The following CHN2 variants were observed in gnomAD, a reference collection of about 807,000 sequenced individuals.
CHN2 encodes the protein beta-chimaerin.
In CHN2, 35 loss-of-function variants were observed where a neutral mutation model predicts 56.3. The observed-to-expected ratio is 0.62, with a 90% CI of 0.47 to 0.82. CHN2 has a LOEUF of 0.82. Ranked by LOEUF, CHN2 falls within the 40% of genes least tolerant of loss-of-function variation. CHN2 has a pLI of 0.00. For missense variants in CHN2, 491 were observed against 580.5 expected (o/e 0.85, Z 1.58); for synonymous variants, 210 against 212.8 (o/e 0.99, Z 0.12).
intron 1 of CHN2, among the ~76,000 whole-genome samples, chr7:29,236,602 G>A (rs982810882): frequency 2.0e-5 from 3 of 152,204 alleles, no homozygotes; most frequent in Non-Finnish European, 4.4e-5. Flanking sequence ...AGGACTGAAC[G>A]TGGGAGTGAG....
At chr7:29,329,630 G>A (rs574325535) in intron 1 of CHN2, among the ~76,000 whole-genome samples, 1 of 152,252 alleles carries the variant, frequency 6.6e-6, no homozygotes, top group African/African-American at 2.4e-5. Context: ...CTCGAGTCGT[G>A]TGTACTTCCT....
At position 29,451,021 on chromosome 7, in the gene CHN2, G is replaced by A. The variant is rs181725916; in HGVS notation, c.577-29258G>A. Among the ~76,000 whole-genome samples the A allele has an allele frequency of 2.2e-3, 333 of 151,970 alleles. 3 individuals are homozygous for A. Among genetic ancestry groups the A allele is most frequent in the Non-Finnish European group, 2.6e-3 (176 of 67,968 alleles). On this transcript the variant is annotated intron_variant, in intron 6 of 12. Transcript: ENST00000222792. ...CCTGACCTCGTGATCTACCCACCTC[G>A]GCCTCCCAAAGTGCTGGGATTATAG...
At chr7:29,187,806 G>GT (rs1476599240) in intron 2 of CHN2, among the ~76,000 whole-genome samples, 1 of 152,160 alleles carries the variant, frequency 6.6e-6, no homozygotes, top group Non-Finnish European at 1.5e-5. Context: ...TTAATACACA[G>GT]TTAAAAACTA....
intron 6 of CHN2, among the ~76,000 whole-genome samples, chr7:29,412,313 A>G (rs1225176876): frequency 6.7e-6 from 1 of 148,634 alleles, no homozygotes; most frequent in African/African-American, 2.5e-5. Flanking sequence ...GCGCTCTGCT[A>G]AAGAGTCTTT....
intron 1 of CHN2, among the ~76,000 whole-genome samples, chr7:29,299,004 C>T (rs979632962): frequency 6.6e-6 from 1 of 152,134 alleles, no homozygotes; most frequent in Non-Finnish European, 1.5e-5. Flanking sequence ...TTCTCAGATA[C>T]TTTGAAGGGT....
intron 6 of CHN2, among the ~76,000 whole-genome samples, chr7:29,467,556 C>A (rs541255523): frequency 5.9e-5 from 9 of 152,146 alleles, no homozygotes; most frequent in African/African-American, 9.7e-5. Flanking sequence ...TATCCATAAA[C>A]CTTTGCTAAG....
chr7:29,234,112 C>A (rs565564276), intron 1 of CHN2, among the ~76,000 whole-genome samples: 1 of 151,608 alleles, frequency 6.6e-6, no homozygotes. Flanking sequence ...GGATTACAGG[C>A]GTGAGCCACC....
chr7:29,245,515 T>G (rs1011824895), intron 1 of CHN2, among the ~76,000 whole-genome samples: 2 of 152,228 alleles, frequency 1.3e-5, no homozygotes, highest in Non-Finnish European at 2.9e-5. Flanking sequence ...ATAATGATAA[T>G]GATAATATTT....
intron 12 of CHN2, 78 bp from the exon 13 acceptor site, chr7:29,512,486 G>GACTT (rs1477056809): frequency 3.2e-6 from 4 of 1,256,886 alleles, no homozygotes; most frequent in South Asian, 3.2e-5. Flanking sequence ...ATGTTATCGG[G>GACTT]ACTTACATAC....
At chr7:29,362,202 G>C (rs1413931653) in intron 2 of CHN2, among the ~76,000 whole-genome samples, 2 of 152,160 alleles carry the variant, frequency 1.3e-5, no homozygotes, top group Non-Finnish European at 2.9e-5. Flanking sequence ...GGCAACCACT[G>C]GCTGAGGCTG....
At chr7:29,457,793 G>T (rs1251908704) in intron 6 of CHN2, among the ~76,000 whole-genome samples, 1 of 152,182 alleles carries the variant, frequency 6.6e-6, no homozygotes, top group Admixed American at 6.5e-5. Flanking sequence ...ATTTCAGTGC[G>T]TGGGAAGTCA....
intron 1 of CHN2, among the ~76,000 whole-genome samples, chr7:29,242,759 G>GAA (rs57273690): frequency 0.18 from 10,619 of 59,104 alleles, 2,436 homozygotes; most frequent in Non-Finnish European, 0.23. Context: ...CTTTCCTTCT[G>GAA]AAAAAAAAAA....
rs1345658614 is a variant in CHN2 at position 29,509,853 on chromosome 7, AAAAAAAAG to A, written c.1235+453_1235+460del. Reference sequence around the variant, plus strand: ...GAGCGAGACTCCATCTCAAAAAAAAAAAAAAAAGAAAAAGAAAGGGGTGCCATTAGGGG... The same window carrying A: ...GAGCGAGACTCCATCTCAAAAAAAAAAAAAAGAAAGGGGTGCCATTAGGGG... On this transcript the variant is annotated intron_variant, in intron 12 of 12. Coordinates refer to ENST00000222792, the MANE Select transcript of CHN2 (RefSeq NM_004067.4). Among the ~76,000 whole-genome samples, 37 of 151,974 alleles carry A rather than the reference AAAAAAAAG, an allele frequency of 2.4e-4. 1 individual carries two copies. Among genetic ancestry groups the A allele is most frequent in the Admixed American group, 5.9e-4 (9 of 15,278 alleles).
intron 2 of CHN2, chr7:29,147,193 G>T (rs1264087804): frequency 1.8e-6 from 1 of 558,118 alleles, no homozygotes; most frequent in Non-Finnish European, 3.1e-6. Flanking sequence ...ACGGGAGCAA[G>T]AACTAAAAAA....
intron 6 of CHN2, among the ~76,000 whole-genome samples, chr7:29,465,381 T>C (rs1785476988): frequency 6.6e-6 from 1 of 152,234 alleles, no homozygotes; most frequent in African/African-American, 2.4e-5. Context: ...TGAAAGTTTA[T>C]TCATTAAATT....
intron 1 of CHN2, among the ~76,000 whole-genome samples, chr7:29,295,594 TA>T (rs1162920124): frequency 6.6e-6 from 1 of 151,626 alleles, no homozygotes; most frequent in Non-Finnish European, 1.5e-5. Context: ...AAAAAAAAAT[TA>T]AAAAAGATGA....
At chr7:29,293,830 G>A (rs938156644) in intron 1 of CHN2, among the ~76,000 whole-genome samples, 4 of 144,412 alleles carry the variant, frequency 2.8e-5, no homozygotes, top group Non-Finnish European at 6.0e-5. Flanking sequence ...GTCAGTCTCT[G>A]TGCATATAAG....
At chr7:29,196,087 G>A (rs1002829294) in intron 1 of CHN2, among the ~76,000 whole-genome samples, 1 of 152,020 alleles carries the variant, frequency 6.6e-6, no homozygotes, top group Admixed American at 6.6e-5. Context: ...ATTATTATTC[G>A]CGAATTAAAC....
chr7:29,407,072 A>G (rs1201973722), intron 6 of CHN2, among the ~76,000 whole-genome samples: 1 of 152,198 alleles, frequency 6.6e-6, no homozygotes, highest in Non-Finnish European at 1.5e-5. Flanking sequence ...TCACTGGGCT[A>G]AGATCTGGCC....
Sources: gnomAD v4.1 joint callset for allele counts (sites outside exome capture counted in the v4.1 genomes callset) on GRCh38, gnomAD v4.1.1 for gene constraint, MANE v1.5 for transcripts, NCBI Gene and HGNC (gene_info 2026-07-23, HGNC 2026-07-21) for gene names.